ZNF804A: variants seen among roughly 807,000 people sequenced by gnomAD.
ZNF804A encodes zinc finger protein 804A.
Under a neutral mutation model 16.5 loss-of-function variants are expected in ZNF804A, and 2 were observed. The ratio of observed to expected loss-of-function variants is 0.12; its 90% CI spans 0.05 to 0.38. The LOEUF (loss-of-function observed/expected upper bound fraction) is 0.38, where lower values mean the gene tolerates loss of function less well. Among genes scored for constraint, ZNF804A ranks in the 10% least tolerant of loss-of-function variants. The pLI, the probability that ZNF804A is intolerant of heterozygous loss-of-function variation, is 0.99. For missense variants in ZNF804A, 1,473 were observed against 1,390.7 expected (o/e 1.06, Z -0.94); for synonymous variants, 534 against 489.6 (o/e 1.09, Z -1.20).
intron 1 of ZNF804A, among the ~76,000 whole-genome samples, chr2:184,821,551 A>G (rs1209129248): frequency 1.3e-5 from 2 of 152,162 alleles, no homozygotes; most frequent in African/African-American, 4.8e-5. Context: ...ACAAAAATGA[A>G]AATTGAGAAA....
chr2:184,774,137 A>T (rs1314884004), intron 1 of ZNF804A, among the ~76,000 whole-genome samples: 1 of 151,880 alleles, frequency 6.6e-6, no homozygotes, highest in Non-Finnish European at 1.5e-5. Flanking sequence ...AAGGAATCCT[A>T]CTATTTGATA....
At chr2:184,926,238 T>C (rs771261121) in intron 2 of ZNF804A, among the ~76,000 whole-genome samples, 4 of 151,988 alleles carry the variant, frequency 2.6e-5, no homozygotes, top group Non-Finnish European at 4.4e-5. Context: ...CTATTTCTCC[T>C]ACCTGTTTGA....
At chr2:184,737,176 C>T (rs1208610192) in intron 1 of ZNF804A, among the ~76,000 whole-genome samples, 1 of 151,842 alleles carries the variant, frequency 6.6e-6, no homozygotes, top group Non-Finnish European at 1.5e-5. Flanking sequence ...TCTGCCTCAG[C>T]CTCCTGAGTA....
chr2:184,738,318 C>T (rs572582262), intron 1 of ZNF804A, among the ~76,000 whole-genome samples: 2 of 151,910 alleles, frequency 1.3e-5, no homozygotes, highest in African/African-American at 4.8e-5. Flanking sequence ...ATTTAACTTC[C>T]TGGGTTCCTA....
At chr2:184,621,686 G>C (rs796353023) in intron 1 of ZNF804A, among the ~76,000 whole-genome samples, 5 of 151,806 alleles carry the variant, frequency 3.3e-5, no homozygotes, top group African/African-American at 1.2e-4. Flanking sequence ...CCCCAAAAAA[G>C]TGTGTAGTAT....
intron 2 of ZNF804A, among the ~76,000 whole-genome samples, chr2:184,888,509 C>T (rs1684931300): frequency 6.6e-6 from 1 of 152,004 alleles, no homozygotes; most frequent in South Asian, 2.1e-4. Flanking sequence ...TCTCTGATCT[C>T]TCTGTTGGTA....
At chr2:184,627,169 A>G (rs1473853109) in intron 1 of ZNF804A, among the ~76,000 whole-genome samples, 2 of 152,176 alleles carry the variant, frequency 1.3e-5, no homozygotes, top group Non-Finnish European at 2.9e-5. Flanking sequence ...AAATTCATTA[A>G]TTATGGTCTG....
At chr2:184,763,091 A>G (rs1386885262) in intron 1 of ZNF804A, among the ~76,000 whole-genome samples, 1 of 152,094 alleles carries the variant, frequency 6.6e-6, no homozygotes, top group Non-Finnish European at 1.5e-5. Flanking sequence ...ATATTTCTCA[A>G]ATCTTTCTCA....
At chr2:184,764,639 T>A (rs1694088933) in intron 1 of ZNF804A, among the ~76,000 whole-genome samples, 1 of 152,130 alleles carries the variant, frequency 6.6e-6, no homozygotes, top group Admixed American at 6.6e-5. Flanking sequence ...AAACAACAAT[T>A]TATACAGGCA....
At chr2:184,773,181 A>T (rs1027582108) in intron 1 of ZNF804A, among the ~76,000 whole-genome samples, 9 of 147,490 alleles carry the variant, frequency 6.1e-5, no homozygotes, top group South Asian at 2.1e-4. Context: ...GCTTACTTTT[A>T]AAAAAAACAG....
chr2:184,867,444 T>C (rs1006573870), intron 2 of ZNF804A, among the ~76,000 whole-genome samples: 2 of 152,102 alleles, frequency 1.3e-5, no homozygotes, highest in African/African-American at 2.4e-5. Flanking sequence ...AAAGTGATCA[T>C]GTTAAACGAT....
At chr2:184,628,245 G>T (rs1450424858) in intron 1 of ZNF804A, among the ~76,000 whole-genome samples, 1 of 152,066 alleles carries the variant, frequency 6.6e-6, no homozygotes, top group African/African-American at 2.4e-5. Flanking sequence ...AACTGGGGAG[G>T]AGGAAGTTGT....
intron 1 of ZNF804A, among the ~76,000 whole-genome samples, chr2:184,833,090 CT>C (rs973301995): frequency 7.9e-5 from 12 of 151,968 alleles, no homozygotes; most frequent in African/African-American, 2.9e-4. Flanking sequence ...TCCACTGTAA[CT>C]GTCCTAGTTT....
intron 2 of ZNF804A, among the ~76,000 whole-genome samples, chr2:184,879,718 T>C (rs192740952): frequency 1.5e-4 from 23 of 152,168 alleles, no homozygotes; most frequent in African/African-American, 5.5e-4. Flanking sequence ...TCTACATATA[T>C]AGCCCCATTT....
chr2:184,711,336 C>A (rs1693122342), intron 1 of ZNF804A, among the ~76,000 whole-genome samples: 1 of 151,582 alleles, frequency 6.6e-6, no homozygotes, highest in Non-Finnish European at 1.5e-5. Flanking sequence ...ATTCTTTGTC[C>A]ATATTTTAAC....
chr2:184,779,134 G>A (rs779770753), intron 1 of ZNF804A, among the ~76,000 whole-genome samples: 58 of 151,520 alleles, frequency 3.8e-4, no homozygotes, highest in Admixed American at 7.9e-4. Context: ...AAATACTCTT[G>A]TGGTTCTGAG....
intron 2 of ZNF804A, among the ~76,000 whole-genome samples, chr2:184,893,657 T>A (rs987056770): frequency 6.6e-6 from 1 of 152,114 alleles, no homozygotes; most frequent in Non-Finnish European, 1.5e-5. Context: ...TAATTAATAA[T>A]GGATAACATG....
rs535071532 is a variant in ZNF804A at position 184,904,856 on chromosome 2, T to C, written c.256-28747T>C. On this transcript the variant is annotated intron_variant, in intron 2 of 3. Transcript: ENST00000302277. ...TCATTGTCTTTATAACTTGAGACAA[T>C]GCTTTCTTCTGTCTCTATGGATTCA... Among the ~76,000 whole-genome samples the C allele has an allele frequency of 5.3e-5, 8 of 152,226 alleles. No individual in the cohort carries two copies. In the South Asian group the frequency reaches 1.7e-3, roughly 32 times the overall value.
intron 1 of ZNF804A, among the ~76,000 whole-genome samples, chr2:184,752,943 A>G (rs1305237175): frequency 6.6e-6 from 1 of 151,686 alleles, no homozygotes; most frequent in African/African-American, 2.4e-5. Context: ...TAACATAGAT[A>G]TTATAATTAA....
Sources: gnomAD v4.1 joint callset for allele counts (sites outside exome capture counted in the v4.1 genomes callset) on GRCh38, gnomAD v4.1.1 for gene constraint, MANE v1.5 for transcripts, NCBI Gene and HGNC (gene_info 2026-07-23, HGNC 2026-07-21) for gene names.